Variants in CC2D2A observed in about 807,000 individuals in gnomAD.
CC2D2A encodes coiled-coil and C2 domain-containing protein 2A.
CC2D2A carries 155 observed loss-of-function variants against 212.9 expected under a neutral mutation model. The ratio of observed to expected loss-of-function variants is 0.73; its 90% CI spans 0.64 to 0.83. The LOEUF (loss-of-function observed/expected upper bound fraction) is 0.83. CC2D2A is among the 40% of genes least tolerant of loss of function. The probability of loss-of-function intolerance (pLI) is 0.00; values close to 1 mark genes in which losing one functional copy is unlikely to be tolerated. For missense variants in CC2D2A, 1,856 were observed against 1,956.2 expected (o/e 0.95, Z 0.97); for synonymous variants, 667 against 686.5 (o/e 0.97, Z 0.44).
chr4:15,550,259 T>C (rs1038598382), intron 17 of CC2D2A, among the ~76,000 whole-genome samples: 2 of 152,152 alleles, frequency 1.3e-5, no homozygotes, highest in African/African-American at 4.8e-5. Context: ...TCTAATTGGC[T>C]CCATCTAGGA....
intron 11 of CC2D2A, among the ~76,000 whole-genome samples, chr4:15,518,085 A>G (rs539254840): frequency 6.6e-6 from 1 of 152,266 alleles, no homozygotes; most frequent in Admixed American, 6.5e-5. Context: ...GCCAAACCAT[A>G]TCATTTCACC....
intron 6 of CC2D2A, among the ~76,000 whole-genome samples, chr4:15,506,083 T>C (rs1200066859): frequency 6.6e-6 from 1 of 152,250 alleles, no homozygotes; most frequent in Non-Finnish European, 1.5e-5. Flanking sequence ...TCTAGATGGA[T>C]ATGTGCACAT....
intron 32 of CC2D2A, 82 bp from the exon 33 acceptor site, chr4:15,589,463 T>C (rs1720994183): frequency 8.3e-7 from 1 of 1,199,410 alleles, no homozygotes; most frequent in Non-Finnish European, 1.2e-6. Context: ...CCAAGTAAAA[T>C]AATGAATTGT....
intron 24 of CC2D2A, chr4:15,564,039 G>C: frequency 6.4e-6 from 1 of 157,050 alleles, no homozygotes; most frequent in Admixed American, 6.2e-5. Flanking sequence ...ATGAGCTGGG[G>C]AGAGTCACAA....
chr4:15,541,074 G>A (rs540063216), intron 17 of CC2D2A, 60 bp downstream of exon 17: 1 of 1,353,674 alleles, frequency 7.4e-7, no homozygotes, highest in South Asian at 1.6e-5. Flanking sequence ...TACTTTGGGA[G>A]GCCAAGGTGG....
In CC2D2A at chr4:15,538,080, C is replaced by G. The variant is rs201884883; in HGVS notation, c.1946C>G (p.Thr649Arg). The G allele has an allele frequency of 3.4e-5, 55 of 1,605,692 alleles. No individual in the cohort carries two copies. Among genetic ancestry groups the G allele is most frequent in the East Asian group, 1.3e-4 (6 of 44,562 alleles). The change falls in exon 16 of 37, where the codon ACG becomes AGG. Residue 649 changes from threonine (T) to arginine (R), a missense_variant. Physicochemically the swap from Thr to Arg is moderately conservative, Grantham distance 71. Coordinates refer to ENST00000424120, the MANE Select transcript of CC2D2A (RefSeq NM_001378615.1). ...AQSRRRPWEP[T>R]LVPELSLAGS... ...AGCAGGAGGAGGCCTTGGGAGCCCA[C>G]GCTGGTCCCGGAGCTAAGCCTGGCA... is the stretch of plus-strand genomic sequence containing the variant.
chr4:15,580,297 A>G, intron 30 of CC2D2A, 126 bp downstream of exon 30: 1 of 745,294 alleles, frequency 1.3e-6, no homozygotes. Flanking sequence ...TAATGACAAA[A>G]GTAATGATTA....
In CC2D2A at chr4:15,527,621, C is replaced by T. The variant is rs773421101; in HGVS notation, c.1324C>T (p.His442Tyr). Reference sequence around the variant, plus strand: ...GTTATATGACCAGTACCTTGCAAGACACCAGAGAAACAAGGCGAAATTTCT... The same window carrying T: ...GTTATATGACCAGTACCTTGCAAGATACCAGAGAAACAAGGCGAAATTTCT... Reference protein sequence around the residue: ...AQLYDQYLARHQRNKAKFLTD... With the variant: ...AQLYDQYLARYQRNKAKFLTD... Residue 442 changes from histidine (H) to tyrosine (Y), a missense_variant, in exon 12 of 37, where the codon CAC becomes TAC. By Grantham distance (83) the His-to-Tyr change is moderately conservative. Around this residue, in one of 5 missense-constraint regions of CC2D2A, gnomAD observed 1,512 missense variants for 1,579.3 expected, o/e 0.96. Coordinates refer to ENST00000424120, the MANE Select transcript of CC2D2A (RefSeq NM_001378615.1). 4 of 1,612,062 alleles carry T rather than the reference C, an allele frequency of 2.5e-6. No homozygotes were observed. In the East Asian group the frequency reaches 8.9e-5, roughly 36 times the overall value.
chr4:15,575,847 T>C lies in CC2D2A; in HGVS notation c.3771+1521T>C, dbSNP rs1392238650. Among the ~76,000 whole-genome samples, 4 of 151,274 alleles carry C rather than the reference T, an allele frequency of 2.6e-5. No individual in the cohort carries two copies. In the East Asian group the frequency reaches 5.8e-4, roughly 22 times the overall value. On this transcript the variant is annotated intron_variant, in intron 29 of 36. Transcript: ENST00000424120. ...ACAAAAGATGATTTTGCTGTTTCTA[T>C]GTATATGTAACAGAAGAACAGGCAG...
chr4:15,510,624 A>G (rs1361637050), intron 7 of CC2D2A, among the ~76,000 whole-genome samples: 1 of 152,148 alleles, frequency 6.6e-6, no homozygotes, highest in Non-Finnish European at 1.5e-5. Context: ...ATGACTACAT[A>G]TATAACCTGA....
chr4:15,568,353 A>G (rs1719994491), intron 26 of CC2D2A, among the ~76,000 whole-genome samples: 1 of 152,250 alleles, frequency 6.6e-6, no homozygotes, highest in Admixed American at 6.5e-5. Context: ...AATTAGAGAC[A>G]GAGCAAGGAT....
intron 6 of CC2D2A, among the ~76,000 whole-genome samples, 168 bp downstream of exon 6, chr4:15,503,091 G>A (rs1406398900): frequency 6.6e-6 from 1 of 152,102 alleles, no homozygotes; most frequent in Non-Finnish European, 1.5e-5. Context: ...GAGTCCAAGA[G>A]TTCAACACCA....
chr4:15,491,443 C>A (rs543072275), intron 4 of CC2D2A, among the ~76,000 whole-genome samples: 5 of 152,158 alleles, frequency 3.3e-5, no homozygotes, highest in Non-Finnish European at 7.3e-5. Flanking sequence ...CTCACTCTGT[C>A]ACCCAGGCTG....
chr4:15,478,087 G>A (rs1187516649), intron 2 of CC2D2A, among the ~76,000 whole-genome samples: 1 of 152,162 alleles, frequency 6.6e-6, no homozygotes, highest in Non-Finnish European at 1.5e-5. Context: ...TTTAGAGCTC[G>A]TAGACTTTAG....
At chr4:15,515,832 C>T in intron 9 of CC2D2A, 36 bp from the exon 10 acceptor site, 1 of 1,532,700 alleles carries the variant, frequency 6.5e-7, no homozygotes, top group Non-Finnish European at 8.8e-7. Flanking sequence ...TTAGATTGGC[C>T]CTAATGTTTA....
At chr4:15,489,026 G>A (rs1395040424) in intron 4 of CC2D2A, among the ~76,000 whole-genome samples, 1 of 152,182 alleles carries the variant, frequency 6.6e-6, no homozygotes, top group East Asian at 1.9e-4. Context: ...CATCTCTTGA[G>A]GGAGTAACTA....
chr4:15,488,097 C>T (rs893556738), intron 4 of CC2D2A, among the ~76,000 whole-genome samples: 16 of 151,948 alleles, frequency 1.1e-4, no homozygotes, highest in African/African-American at 3.4e-4. Flanking sequence ...ATTTAAACAC[C>T]GCAATTACAG....
At chr4:15,533,509 A>C in intron 14 of CC2D2A, 176 bp downstream of exon 14, 2 of 454,596 alleles carry the variant, frequency 4.4e-6, no homozygotes, top group Admixed American at 4.4e-5. Context: ...ATTCTCCTCA[A>C]TCCCCAAAAT....
At chr4:15,516,093 G>T in intron 10 of CC2D2A, 89 bp downstream of exon 10, 1 of 1,302,412 alleles carries the variant, frequency 7.7e-7, no homozygotes, top group South Asian at 2.1e-5. Context: ...TGCATCCACT[G>T]TACTCATTTC....
Sources: gnomAD v4.1 joint callset for allele counts (sites outside exome capture counted in the v4.1 genomes callset) on GRCh38, gnomAD v4.1.1 for gene constraint, gnomAD v4.1.1 regional missense constraint, MANE v1.5 for transcripts, NCBI Gene and HGNC (gene_info 2026-07-23, HGNC 2026-07-21) for gene names.